Variants in DISP1 observed in about 807,000 individuals in gnomAD.
DISP1 encodes the protein protein dispatched homolog 1.
Under a neutral mutation model 37.3 loss-of-function variants are expected in DISP1, and 30 were observed. That is an observed-to-expected ratio of 0.80 (90% confidence interval 0.60 to 1.09). DISP1 has a LOEUF of 1.09. Among genes scored for constraint, DISP1 ranks in the 50% least tolerant of loss-of-function variants. The probability of loss-of-function intolerance (pLI) is 0.00; values close to 1 mark genes in which losing one functional copy is unlikely to be tolerated. For synonymous variants in DISP1, 634 were observed against 690.2 expected, an observed-to-expected ratio of 0.92 and a Z score of 1.28; for missense variants, 1,598 against 1,879.5, an observed-to-expected ratio of 0.85 and a Z score of 2.77.
intron 1 of DISP1, among the ~76,000 whole-genome samples, chr1:222,865,382 G>A (rs914453270): frequency 1.3e-5 from 2 of 152,110 alleles, no homozygotes; most frequent in African/African-American, 2.4e-5. Context: ...TGTTCTCCAA[G>A]ATAACATCTT....
chr1:222,941,857 T>C (rs1330441791), intron 2 of DISP1, among the ~76,000 whole-genome samples: 4 of 152,122 alleles, frequency 2.6e-5, no homozygotes, highest in Non-Finnish European at 5.9e-5. Context: ...AGTTTTCTTT[T>C]TGTTGTTGTT....
At chr1:222,836,584 C>CT (rs1430426404) in intron 1 of DISP1, among the ~76,000 whole-genome samples, 1 of 151,888 alleles carries the variant, frequency 6.6e-6, no homozygotes, top group Non-Finnish European at 1.5e-5. Context: ...CATTTAATCT[C>CT]TGAGTTTTAG....
chr1:222,910,775 A>G (rs1226141256), intron 1 of DISP1, among the ~76,000 whole-genome samples: 1 of 152,226 alleles, frequency 6.6e-6, no homozygotes, highest in Non-Finnish European at 1.5e-5. Context: ...TACCTTGAAG[A>G]AATATGTAGG....
intron 8 of DISP1, among the ~76,000 whole-genome samples, chr1:222,997,923 A>G (rs1386231613): frequency 6.6e-6 from 1 of 152,178 alleles, no homozygotes; most frequent in Non-Finnish European, 1.5e-5. Flanking sequence ...AAATGAATAA[A>G]TAGGTGATCA....
At chr1:222,950,450 A>G (rs1675129124) in intron 3 of DISP1, among the ~76,000 whole-genome samples, 3 of 152,134 alleles carry the variant, frequency 2.0e-5, no homozygotes, top group Middle Eastern at 3.2e-3. Flanking sequence ...AATACAAAAA[A>G]TTAGCTGGGC....
rs1458715218 is a variant in DISP1, at chr1:222,992,214, G to A, written c.889+104G>A. 10 of 936,496 alleles carry A rather than the reference G, an allele frequency of 1.1e-5. No homozygotes were observed. The East Asian group carries it at 1.5e-4, about 14-fold the overall frequency. 58.0% of individuals were successfully genotyped at this position (936,496 alleles called of 1,614,324 possible). A position where few individuals can be genotyped will look rare whatever the true frequency, so the allele number is the denominator to read the frequency against. On this transcript the variant is annotated intron_variant, in intron 7 of 8. Coordinates refer to ENST00000675850, the MANE Select transcript of DISP1 (RefSeq NM_001377229.1). ...ATAGCCGTGTGTGGCTAGTCACACA[G>A]CTTCACTGTTGCTGTTGAACCTAAA...
chr1:222,923,991 T>C (rs1468134828), intron 1 of DISP1, among the ~76,000 whole-genome samples: 2 of 152,102 alleles, frequency 1.3e-5, no homozygotes, highest in South Asian at 2.1e-4. Context: ...AGGGTGAATA[T>C]GTCAGACTAT....
intron 1 of DISP1, among the ~76,000 whole-genome samples, chr1:222,840,774 G>A (rs1304466033): frequency 1.3e-5 from 2 of 151,774 alleles, no homozygotes; most frequent in East Asian, 1.9e-4. Flanking sequence ...GTGTTAGCTA[G>A]GATGGTCTCA....
chr1:222,853,172 G>C lies in DISP1; in HGVS notation c.-159+38094G>C, dbSNP rs567220407. Among the ~76,000 whole-genome samples the C allele has an allele frequency of 8.7e-4, 132 of 152,274 alleles. 3 individuals carry two copies. The highest frequency in any genetic ancestry group is 8.6e-3 in the Admixed American group (132 of 15,296). Reference sequence around the variant, plus strand: ...TGGTGGCAGGCCATGATTTTTGGCTGTTCAGAAAAGAACTACCAGGCTCAC... The same window carrying C: ...TGGTGGCAGGCCATGATTTTTGGCTCTTCAGAAAAGAACTACCAGGCTCAC... On this transcript the variant is annotated intron_variant, in intron 1 of 8. Transcript: ENST00000675850.
At chr1:222,896,674 G>GTAATACAATGTGTGTAAT (rs879350460) in intron 1 of DISP1, among the ~76,000 whole-genome samples, 8 of 151,972 alleles carry the variant, frequency 5.3e-5, no homozygotes, top group Non-Finnish European at 8.8e-5. Context: ...TACAATGTGT[G>GTAATACAATGTGTGTAAT]ACAAAGGGCT....
At chr1:222,870,812 A>G (rs1021587398) in intron 1 of DISP1, among the ~76,000 whole-genome samples, 9 of 152,106 alleles carry the variant, frequency 5.9e-5, no homozygotes, top group African/African-American at 9.7e-5. Flanking sequence ...CCATTTGTCA[A>G]TTTTGGATTT....
chr1:222,995,014 C>A (rs1282875130), intron 8 of DISP1, 32 bp downstream of exon 8: 2 of 1,518,264 alleles, frequency 1.3e-6, no homozygotes, highest in South Asian at 1.1e-5. Flanking sequence ...ATCTCCTTAG[C>A]ACAAATAAGG....
chr1:223,002,257 G>T, intron 8 of DISP1, 128 bp from the exon 9 acceptor site: 1 of 917,214 alleles, frequency 1.1e-6, no homozygotes. Context: ...CCTAGTTTAA[G>T]TGGATAATTA....
chr1:222,955,962 C>T (rs2102563770), intron 3 of DISP1, among the ~76,000 whole-genome samples: 1 of 152,304 alleles, frequency 6.6e-6, no homozygotes, highest in African/African-American at 2.4e-5. Flanking sequence ...TTGAATGGTA[C>T]AGGGTTGTAA....
chr1:222,884,875 T>TC (rs1670490946), intron 1 of DISP1, among the ~76,000 whole-genome samples: 1 of 152,216 alleles, frequency 6.6e-6, no homozygotes, highest in Non-Finnish European at 1.5e-5. Flanking sequence ...TCTCGCTGTG[T>TC]GCCCACGCTG....
intron 1 of DISP1, among the ~76,000 whole-genome samples, chr1:222,926,166 A>G (rs1558332985): frequency 6.6e-6 from 1 of 152,288 alleles, no homozygotes; most frequent in East Asian, 1.9e-4. Context: ...TTTCATATAA[A>G]TGGAATCATA....
At chr1:222,919,305 G>A (rs956040245) in intron 1 of DISP1, among the ~76,000 whole-genome samples, 2 of 152,200 alleles carry the variant, frequency 1.3e-5, no homozygotes, top group African/African-American at 4.8e-5. Context: ...AACTGCATCT[G>A]CCGCCCAGAA....
chr1:222,930,255 T>C (rs1422974232), intron 2 of DISP1, among the ~76,000 whole-genome samples: 1 of 152,116 alleles, frequency 6.6e-6, no homozygotes, highest in Non-Finnish European at 1.5e-5. Context: ...TTCTTATAAC[T>C]CAGTGTGGAT....
chr1:222,925,963 A>G (rs1048604846), intron 1 of DISP1, among the ~76,000 whole-genome samples: 1 of 152,222 alleles, frequency 6.6e-6, no homozygotes, highest in African/African-American at 2.4e-5. Flanking sequence ...TTTTAAAGTA[A>G]ACATTTCAGT....
Sources: allele counts gnomAD v4.1 joint callset (sites outside exome capture counted in the v4.1 genomes callset), GRCh38; gene constraint gnomAD v4.1.1; transcripts MANE v1.5; gene names NCBI Gene and HGNC (gene_info 2026-07-23, HGNC 2026-07-21).